The following DCTN4 variants were observed in gnomAD, a reference collection of about 807,000 sequenced individuals.
DCTN4 encodes the protein dynactin 4 (p62).
Under a neutral mutation model 62.7 loss-of-function variants are expected in DCTN4, and 23 were observed. The ratio of observed to expected loss-of-function variants is 0.37; its 90% CI spans 0.26 to 0.52. The LOEUF is 0.52. Among genes scored for constraint, DCTN4 ranks in the 20% least tolerant of loss-of-function variants. The pLI is 0.92. For synonymous variants in DCTN4, 199 were observed against 202.1 expected, an observed-to-expected ratio of 0.98 and a Z score of 0.13; for missense variants, 514 against 580.4, an observed-to-expected ratio of 0.89 and a Z score of 1.18.
At chr5:150,744,283 G>A (rs562876427) in intron 3 of DCTN4, among the ~76,000 whole-genome samples, 3,470 of 152,070 alleles carry the variant, frequency 0.023, 56 homozygotes, top group Middle Eastern at 0.061. Context: ...AGAAATATGG[G>A]ACTATGTGAA....
chr5:150,731,462 G>T lies in DCTN4; in HGVS notation c.565C>A (p.Gln189Lys). The change falls in exon 6 of 13, where the codon CAG (glutamine) becomes AAG (lysine). Residue 189 changes from glutamine to lysine, a missense_variant. Transcript: ENST00000447998. ...ATGGATGCACCAGCTCGTGGTCGCT[G>T]AAGCCTGGTTCCAAGACCATATTTG... The part of the protein sequence containing the change: ...SDKYGLGTRL[Q>K]RPRAGASIST... 3.1e-6 allele frequency: 5 copies of T among 1,613,780 alleles called. No homozygotes were observed. The highest frequency in any genetic ancestry group is 4.2e-6 in the Non-Finnish European group (5 of 1,180,004).
chr5:150,729,276 T>G (rs1211763367), intron 8 of DCTN4, among the ~76,000 whole-genome samples: 1 of 151,912 alleles, frequency 6.6e-6, no homozygotes, highest in Non-Finnish European at 1.5e-5. Flanking sequence ...TTTTCTAACG[T>G]GTACAAAAAT....
chr5:150,722,145 C>T (rs1274786230), intron 9 of DCTN4, among the ~76,000 whole-genome samples: 1 of 152,136 alleles, frequency 6.6e-6, no homozygotes, highest in South Asian at 2.1e-4. Context: ...TCTTTTATAA[C>T]CACTATTTCT....
At position 150,756,493 on chromosome 5, in the gene DCTN4, A is replaced by T; in HGVS notation, c.136-6T>A. On this transcript the variant is annotated splice_polypyrimidine_tract_variant and splice_region_variant and intron_variant, in intron 1 of 12. Coordinates refer to ENST00000447998, the MANE Select transcript of DCTN4 (RefSeq NM_016221.4). Reference sequence around the variant, plus strand: ...GGACAATAATGGGAGTCCACCTAGGAGGAAACAAGAAAGAAAAAAAAAACC... The same window carrying T: ...GGACAATAATGGGAGTCCACCTAGGTGGAAACAAGAAAGAAAAAAAAAACC... 1 of 1,577,864 alleles carries T rather than the reference A, an allele frequency of 6.3e-7. No individual in the cohort carries two copies. The highest frequency in any genetic ancestry group is 8.6e-7 in the Non-Finnish European group (1 of 1,163,650).
intron 3 of DCTN4, among the ~76,000 whole-genome samples, chr5:150,744,219 G>A (rs1321830321): frequency 1.3e-5 from 2 of 150,732 alleles, no homozygotes; most frequent in African/African-American, 5.0e-5. Flanking sequence ...ATGAAATGAA[G>A]CGAGAAGGGA....
At chr5:150,749,059 T>A (rs1413557564) in intron 3 of DCTN4, among the ~76,000 whole-genome samples, 1 of 152,070 alleles carries the variant, frequency 6.6e-6, no homozygotes, top group African/African-American at 2.4e-5. Context: ...AAAGTTTTTT[T>A]AATAGGACAC....
chr5:150,711,960 T>TGA (rs1759583219), intron 12 of DCTN4, among the ~76,000 whole-genome samples: 1 of 152,186 alleles, frequency 6.6e-6, no homozygotes, highest in Admixed American at 6.6e-5. Context: ...CTACAATCTA[T>TGA]GTAATGGTTG....
chr5:150,742,395 C>T (rs1370452388), intron 3 of DCTN4, among the ~76,000 whole-genome samples: 1 of 152,132 alleles, frequency 6.6e-6, no homozygotes, highest in Non-Finnish European at 1.5e-5. Context: ...TATTACATTT[C>T]CTTTTATTCT....
chr5:150,716,605 G>A (rs1312077816), intron 11 of DCTN4, among the ~76,000 whole-genome samples: 1 of 152,024 alleles, frequency 6.6e-6, no homozygotes, highest in African/African-American at 2.4e-5. Flanking sequence ...GTCTTAACTG[G>A]AGCTGCTTAT....
chr5:150,737,890 G>A (rs1208284469), intron 4 of DCTN4, among the ~76,000 whole-genome samples: 1 of 152,078 alleles, frequency 6.6e-6, no homozygotes, highest in Non-Finnish European at 1.5e-5. Context: ...AAGAAAAGAT[G>A]AGAGAAGATC....
intron 4 of DCTN4, 54 bp from the exon 5 acceptor site, chr5:150,733,529 A>G: frequency 1.5e-6 from 2 of 1,323,104 alleles, no homozygotes; most frequent in African/African-American, 1.5e-5. Flanking sequence ...AAACATATCA[A>G]ATTAATCAAC....
intron 4 of DCTN4, among the ~76,000 whole-genome samples, chr5:150,738,835 T>C (rs1454440311): frequency 6.6e-6 from 1 of 152,176 alleles, no homozygotes; most frequent in East Asian, 1.9e-4. Context: ...TGTTTGCCAA[T>C]GATATGATCG....
intron 3 of DCTN4, among the ~76,000 whole-genome samples, chr5:150,749,249 C>T (rs1752582829): frequency 6.6e-6 from 1 of 152,106 alleles, no homozygotes; most frequent in Non-Finnish European, 1.5e-5. Flanking sequence ...ACTCTTATAA[C>T]TCAGTTTAAA....
rs115879122 is a variant in DCTN4, at chr5:150,731,776, G to C, written c.538-287C>G. ...CTAAAAGTATCTAAGCTACGGCTCA[G>C]GCAAGAACTATGTGGAGTGTCTAAG... On this transcript the variant is annotated intron_variant, in intron 5 of 12. Transcript: ENST00000447998. The C allele has an allele frequency of 2.4e-3, 2,510 of 1,039,924 alleles. 33 individuals carry two copies. The African/African-American group carries it at 0.033, about 14-fold the overall frequency. 64.4% of individuals were successfully genotyped at this position (1,039,924 alleles called of 1,614,324 possible).
At chr5:150,724,842 G>A (rs1760082437) in intron 8 of DCTN4, among the ~76,000 whole-genome samples, 1 of 151,906 alleles carries the variant, frequency 6.6e-6, no homozygotes, top group Admixed American at 6.6e-5. Flanking sequence ...TACCTACCAT[G>A]CACTTTGCTT....
At chr5:150,752,929 C>T (rs966671224) in intron 3 of DCTN4, among the ~76,000 whole-genome samples, 6 of 151,900 alleles carry the variant, frequency 3.9e-5, no homozygotes, top group Admixed American at 6.6e-5. Flanking sequence ...TGCAGAGGCC[C>T]GATCTCGGCT....
chr5:150,718,245 G>T (rs2151471273), intron 11 of DCTN4, 31 bp downstream of exon 11: 3 of 1,489,636 alleles, frequency 2.0e-6, no homozygotes, highest in East Asian at 4.6e-5. Context: ...GGAAAGTGCG[G>T]GTCAGTCAGG....
At chr5:150,743,693 A>T (rs10052966) in intron 3 of DCTN4, among the ~76,000 whole-genome samples, 22,781 of 152,040 alleles carry the variant, frequency 0.15, 3,053 homozygotes, top group African/African-American at 0.36. Context: ...GCAAACGGGG[A>T]CTGAAGTGGA....
At chr5:150,758,115 C>T (rs751111864) in intron 1 of DCTN4, 50 of 985,424 alleles carry the variant, frequency 5.1e-5, no homozygotes, top group Non-Finnish European at 5.5e-5. Context: ...GTCTTACTCG[C>T]CTTTTAATCC....
Sources: gnomAD v4.1 joint callset for allele counts (sites outside exome capture counted in the v4.1 genomes callset) on GRCh38, gnomAD v4.1.1 for gene constraint, MANE v1.5 for transcripts, NCBI Gene and HGNC (gene_info 2026-07-23, HGNC 2026-07-21) for gene names.